Variants in TENM4 observed in about 807,000 individuals in gnomAD.
TENM4 encodes the protein teneurin-4.
In TENM4, 82 loss-of-function variants were observed where a neutral mutation model predicts 243.3. That is an observed-to-expected ratio of 0.34 (90% confidence interval 0.28 to 0.40). TENM4 has a LOEUF of 0.40. Among genes scored for constraint, TENM4 ranks in the 10% least tolerant of loss-of-function variants. The pLI, the probability that TENM4 is intolerant of heterozygous loss-of-function variation, is 1.00. For synonymous variants in TENM4, 1,412 were observed against 1,456.3 expected (o/e 0.97, Z 0.69); for missense variants, 3,138 against 3,673.3 (o/e 0.85, Z 3.77).
rs1857954689 is a variant in TENM4, at chr11:78,658,515, T to G, written c.7853A>C (p.Tyr2618Ser). The G allele has an allele frequency of 6.2e-7, 1 of 1,613,910 alleles. No individual in the cohort carries two copies. Among genetic ancestry groups the G allele is most frequent in the African/African-American group, 1.3e-5 (1 of 74,934 alleles). Residue 2618 changes from tyrosine to serine, a missense_variant, in exon 34 of 34, where the codon TAC becomes TCC. This residue lies in a region of TENM4 where 2,467 missense variants were observed against 3,059.1 expected (regional missense o/e 0.81). Transcript: ENST00000278550. ...HFTIDGVDTH[Y>S]FVKPGPSEGD... ...TTCTGAAGGTCCTGGTTTCACAAAG[T>G]AATGGGTATCCACCCCATCAATGGT...
intron 10 of TENM4, among the ~76,000 whole-genome samples, chr11:78,859,857 C>T (rs1281099509): frequency 6.6e-6 from 1 of 152,214 alleles, no homozygotes; most frequent in African/African-American, 2.4e-5. Context: ...CTATCCCAAG[C>T]CCACCAATTC....
Position 79,081,161 on chromosome 11 carries a change from T to C in TENM4, c.-65-11152A>G, listed in dbSNP as rs543965797. ...GAAGTTCTTGGTTGAACACAACAGC[T>C]GGAGGAAGGGGTTAGTCCCTCTTTT... On this transcript the variant is annotated intron_variant, in intron 4 of 33. Transcript: ENST00000278550. 9.2e-5 allele frequency among the ~76,000 whole-genome samples: 14 copies of C among 152,346 alleles called. No individual in the cohort carries two copies. In the South Asian group the frequency reaches 2.9e-3, roughly 32 times the overall value.
chr11:78,991,655 A>T (rs1205693549), intron 6 of TENM4, among the ~76,000 whole-genome samples: 1 of 152,214 alleles, frequency 6.6e-6, no homozygotes, highest in African/African-American at 2.4e-5. Flanking sequence ...CTTGCTCGTC[A>T]CATTTCCCCA....
intron 4 of TENM4, among the ~76,000 whole-genome samples, chr11:79,144,016 C>T (rs1237116084): frequency 6.6e-6 from 1 of 151,928 alleles, no homozygotes; most frequent in African/African-American, 2.4e-5. Context: ...AAGAGACAAC[C>T]CACAGAATGG....
intron 4 of TENM4, among the ~76,000 whole-genome samples, chr11:79,094,085 G>A (rs182351300): frequency 1.3e-3 from 204 of 152,304 alleles, no homozygotes; most frequent in African/African-American, 4.2e-3. Context: ...CCATCATGGC[G>A]GAAGGTTCCA....
At chr11:78,894,638 A>G (rs561519685) in intron 7 of TENM4, among the ~76,000 whole-genome samples, 2 of 152,316 alleles carry the variant, frequency 1.3e-5, no homozygotes, top group East Asian at 3.9e-4. Flanking sequence ...ACTCATGCTC[A>G]TGTGCATATT....
chr11:79,246,997 A>AC (rs1252864775), intron 2 of TENM4, among the ~76,000 whole-genome samples: 14 of 117,536 alleles, frequency 1.2e-4, no homozygotes, highest in African/African-American at 4.2e-4. Flanking sequence ...AAAAAAAAAA[A>AC]ACACCCCCCC....
At chr11:79,169,796 T>C (rs1330484090) in intron 3 of TENM4, among the ~76,000 whole-genome samples, 4 of 152,242 alleles carry the variant, frequency 2.6e-5, no homozygotes, top group Admixed American at 2.6e-4. Flanking sequence ...GTTTTGAGCA[T>C]GCATAAGGAG....
At chr11:79,101,838 T>C (rs1861239983) in intron 4 of TENM4, among the ~76,000 whole-genome samples, 1 of 152,220 alleles carries the variant, frequency 6.6e-6, no homozygotes, top group African/African-American at 2.4e-5. Flanking sequence ...CAAGGTTTCC[T>C]GGAACAGAAT....
chr11:78,716,998 G>A (rs959255787), intron 25 of TENM4, among the ~76,000 whole-genome samples: 7 of 152,170 alleles, frequency 4.6e-5, no homozygotes, highest in African/African-American at 7.2e-5. Context: ...TCCTGGAAAC[G>A]GACCATGTCT....
Position 78,727,854 on chromosome 11 carries a change from A to G in TENM4, c.3406+1522T>C, listed in dbSNP as rs182803814. Among the ~76,000 whole-genome samples the G allele has an allele frequency of 4.6e-3, 698 of 152,350 alleles. 3 individuals are homozygous for G. The highest frequency in any genetic ancestry group is 0.029 in the South Asian group (141 of 4,828). ...ATTTTCCAGTGGACAATATTCTACTACATGTTCAAGACAGGAATTAACAAC... is the reference window on the plus strand; with the variant it reads ...ATTTTCCAGTGGACAATATTCTACTGCATGTTCAAGACAGGAATTAACAAC... On this transcript the variant is annotated intron_variant, in intron 22 of 33. Coordinates refer to ENST00000278550, the MANE Select transcript of TENM4 (RefSeq NM_001098816.3).
chr11:78,727,975 T>A (rs1855557465), intron 22 of TENM4, among the ~76,000 whole-genome samples: 1 of 152,226 alleles, frequency 6.6e-6, no homozygotes, highest in Non-Finnish European at 1.5e-5. Context: ...CTGTGACCCC[T>A]TCCCCCATGG....
chr11:78,654,307 T>C lies in TENM4; in HGVS notation c.*3751A>G, dbSNP rs1194777348. 1.3e-5 allele frequency: 2 copies of C among 152,142 alleles called. No homozygotes were observed. Among genetic ancestry groups the C allele is most frequent in the Non-Finnish European group, 2.9e-5 (2 of 68,028 alleles). 9.4% of individuals were successfully genotyped at this position (152,142 alleles called of 1,614,324 possible). ...ACCCTGCTGAGAGCTTGAAAGCTCA[T>C]TCCTCCTGGGCAGAAAGCTCAGCAT... is the stretch of plus-strand genomic sequence containing the variant. On this transcript the variant is annotated 3_prime_UTR_variant, in exon 34 of 34. Coordinates refer to ENST00000278550, the MANE Select transcript of TENM4 (RefSeq NM_001098816.3).
intron 2 of TENM4, among the ~76,000 whole-genome samples, chr11:79,240,590 C>A (rs1864570995): frequency 6.6e-6 from 1 of 152,118 alleles, no homozygotes; most frequent in African/African-American, 2.4e-5. Context: ...CATTTAGTAA[C>A]CAGGTTACTA....
At chr11:78,888,371 C>T (rs115090240) in intron 9 of TENM4, among the ~76,000 whole-genome samples, 1,792 of 152,292 alleles carry the variant, frequency 0.012, 37 homozygotes, top group African/African-American at 0.041. Context: ...GGCCTTGGAG[C>T]CATGGAATTG....
chr11:79,077,325 G>A (rs904324325), intron 4 of TENM4, among the ~76,000 whole-genome samples: 3 of 152,144 alleles, frequency 2.0e-5, no homozygotes, highest in Non-Finnish European at 4.4e-5. Flanking sequence ...GGTCAAAGGT[G>A]GAGAGACCAT....
chr11:79,326,890 A>T lies in TENM4; in HGVS notation c.-320-29347T>A, dbSNP rs514776. ...GGAGCATTTTGGTAAATATCTATTC[A>T]CCATTATATAAATTAGGAAACAGAC... On this transcript the variant is annotated intron_variant, in intron 1 of 33. Coordinates refer to ENST00000278550, the MANE Select transcript of TENM4 (RefSeq NM_001098816.3). Among the ~76,000 whole-genome samples, 469 of 151,934 alleles carry T rather than the reference A, an allele frequency of 3.1e-3. 4 individuals are homozygous for T. Among genetic ancestry groups the T allele is most frequent in the African/African-American group, 0.011 (450 of 41,488 alleles).
chr11:78,782,552 G>A (rs868178723), intron 16 of TENM4, among the ~76,000 whole-genome samples: 6 of 152,194 alleles, frequency 3.9e-5, no homozygotes, highest in South Asian at 2.1e-4. Flanking sequence ...AGCCGAGGTC[G>A]TGCCACTGCA....
chr11:79,194,162 C>T (rs141115766), intron 3 of TENM4, among the ~76,000 whole-genome samples: 108 of 152,026 alleles, frequency 7.1e-4, no homozygotes, highest in African/African-American at 2.2e-3. Flanking sequence ...ACGTTAGAAG[C>T]GCCTTTTGCC....
Sources: gnomAD v4.1 joint callset for allele counts (sites outside exome capture counted in the v4.1 genomes callset) on GRCh38, gnomAD v4.1.1 for gene constraint, gnomAD v4.1.1 regional missense constraint, MANE v1.5 for transcripts, NCBI Gene and HGNC (gene_info 2026-07-23, HGNC 2026-07-21) for gene names.